The following RSPH10B2 variants were observed in gnomAD, a reference collection of about 807,000 sequenced individuals.
RSPH10B2 encodes radial spoke head 10 homolog B2 (Chlamydomonas).
In RSPH10B2, 9 loss-of-function variants were observed where a neutral mutation model predicts 49.0. The observed-to-expected ratio is 0.18, with a 90% CI of 0.11 to 0.32. RSPH10B2 has a LOEUF of 0.32. Among genes scored for constraint, RSPH10B2 ranks in the 10% least tolerant of loss-of-function variants. The pLI is 1.00. For missense variants in RSPH10B2, 95 were observed against 589.9 expected (o/e 0.16, Z 8.69); for synonymous variants, 35 against 210.2 (o/e 0.17, Z 7.21).
intron 11 of RSPH10B2, among the ~76,000 whole-genome samples, chr7:6,780,270 G>A (rs1439441798): frequency 8.2e-6 from 1 of 122,580 alleles, no homozygotes; most frequent in Non-Finnish European, 1.7e-5. Context: ...ATATCTCTCG[G>A]GGTTTCTAAT....
chr7:6,784,608 C>G (rs1216680898), intron 13 of RSPH10B2, among the ~76,000 whole-genome samples: 2 of 104,518 alleles, frequency 1.9e-5, no homozygotes, highest in African/African-American at 8.5e-5. Flanking sequence ...CTCTGTCACC[C>G]AGGCTGGAGT....
rs549782599 is a variant in RSPH10B2 at position 6,797,852 on chromosome 7, CA to C, written c.2433-498del. Among the ~76,000 whole-genome samples the C allele has an allele frequency of 3.6e-3, 263 of 73,406 alleles. 6 individuals carry two copies. Among genetic ancestry groups the C allele is most frequent in the Middle Eastern group, 6.6e-3 (1 of 152 alleles). 48.2% of individuals were successfully genotyped at this position (73,406 alleles called of 152,430 possible). A position where few individuals can be genotyped will look rare whatever the true frequency, so the allele number is the denominator to read the frequency against. The stretch of plus-strand genomic sequence containing the variant: ...TGGGCAACACAGTAAGACCCTATCT[CA>C]AAAAAAAAAAAATACACACACACAC... On this transcript the variant is annotated intron_variant, in intron 18 of 18. Coordinates refer to ENST00000297186, the Ensembl canonical transcript of RSPH10B2.
At chr7:6,783,273 G>A (rs1421788191) in intron 13 of RSPH10B2, among the ~76,000 whole-genome samples, 2 of 115,166 alleles carry the variant, frequency 1.7e-5, no homozygotes, top group African/African-American at 3.8e-5. Flanking sequence ...CTCGTGATCC[G>A]CCCGTGTCGG....
chr7:6,758,551 A>G lies in RSPH10B2; in HGVS notation c.255-533A>G, dbSNP rs558821817. Among the ~76,000 whole-genome samples, 12 of 128,044 alleles carry G rather than the reference A, an allele frequency of 9.4e-5. No individual in the cohort carries two copies. In the South Asian group the frequency reaches 3.4e-3, roughly 37 times the overall value. 84.0% of individuals were successfully genotyped at this position (128,044 alleles called of 152,430 possible). ...ATAGTGTTGTACGACCGTCTATTAAATAGTAACTCCTGGCCAGATGCGGTG... is the reference window on the plus strand; with the variant it reads ...ATAGTGTTGTACGACCGTCTATTAAGTAGTAACTCCTGGCCAGATGCGGTG... On this transcript the variant is annotated intron_variant, in intron 1 of 18. Coordinates refer to ENST00000297186, the Ensembl canonical transcript of RSPH10B2.
Position 6,781,310 on chromosome 7 carries a change from C to T in RSPH10B2, c.1610-18C>T, listed in dbSNP as rs747429740. On this transcript the variant is annotated intron_variant, in intron 12 of 18. Coordinates refer to ENST00000297186, the Ensembl canonical transcript of RSPH10B2. ...AAAACATAAATCTGTAATCATTTTT[C>T]GAACGTTGTATTTTTAGGCAATTTA... The T allele has an allele frequency of 1.3e-5, 17 of 1,281,410 alleles. 4 individuals carry two copies. The highest frequency in any genetic ancestry group is 2.0e-5 in the South Asian group (1 of 50,886). 79.4% of individuals were successfully genotyped at this position (1,281,410 alleles called of 1,614,324 possible). A position where few individuals can be genotyped will look rare whatever the true frequency, so the allele number is the denominator to read the frequency against.
chr7:6,797,573 C>T (rs1466261855), intron 18 of RSPH10B2, among the ~76,000 whole-genome samples: 1 of 152,262 alleles, frequency 6.6e-6, no homozygotes, highest in African/African-American at 2.4e-5. Context: ...ATAAAGTCCC[C>T]AAATGGGCTG....
rs1198504893 is a variant in RSPH10B2, at chr7:6,793,402, T to C, written c.2233+1405T>C. 2.6e-5 allele frequency among the ~76,000 whole-genome samples: 3 copies of C among 116,088 alleles called. 1 individual carries two copies. The highest frequency in any genetic ancestry group is 1.0e-4 in the African/African-American group (3 of 29,060). 76.2% of individuals were successfully genotyped at this position (116,088 alleles called of 152,430 possible). ...CTATGGCCGGCCACCCACTCAATGG[T>C]GGACTTTTAAAGGCTCCGTCCCGGG... On this transcript the variant is annotated intron_variant, in intron 17 of 18. Coordinates refer to ENST00000297186, the Ensembl canonical transcript of RSPH10B2.
chr7:6,791,023 C>T (rs1782294628), intron 16 of RSPH10B2, among the ~76,000 whole-genome samples: 1 of 126,474 alleles, frequency 7.9e-6, no homozygotes, highest in African/African-American at 3.1e-5. Flanking sequence ...GAGACAGAGT[C>T]TCGCTCTGTC....
intron 13 of RSPH10B2, among the ~76,000 whole-genome samples, 165 bp from the exon 16 acceptor site, chr7:6,785,784 C>A (rs1020755460): frequency 6.6e-6 from 1 of 151,504 alleles, no homozygotes; most frequent in Non-Finnish European, 1.5e-5. Context: ...GAGATTGCGC[C>A]ACTGCCTAGC....
In RSPH10B2 at chr7:6,781,393, AT is replaced by A. The variant is rs1781929377; in HGVS notation, c.1678del (p.Tyr560IlefsTer17). Reference sequence around the variant, plus strand: ...GAGTTACATGAATAAGTGCTGGGAGATTTATCTCGCTTACTGCAGACCCAGT... The same window carrying A: ...GAGTTACATGAATAAGTGCTGGGAGATTATCTCGCTTACTGCAGACCCAGT... On this transcript the variant is annotated frameshift_variant, in exon 13 of 19. Coordinates refer to ENST00000297186, the Ensembl canonical transcript of RSPH10B2. LOFTEE classifies it high-confidence loss of function. 1 of 1,295,730 alleles carries A rather than the reference AT, an allele frequency of 7.7e-7. No individual in the cohort carries two copies. Among genetic ancestry groups the A allele is most frequent in the Non-Finnish European group, 1.0e-6 (1 of 984,232 alleles). 80.3% of individuals were successfully genotyped at this position (1,295,730 alleles called of 1,614,324 possible).
chr7:6,784,559 A>G lies in RSPH10B2; in HGVS notation c.1759-1390A>G, dbSNP rs866369151. The stretch of plus-strand genomic sequence containing the variant: ...GAACATTTGAGTACAGTAAGTCCTC[A>G]CTTAACATTATTATTATTATTATTT... On this transcript the variant is annotated intron_variant, in intron 13 of 18. Coordinates refer to ENST00000297186, the Ensembl canonical transcript of RSPH10B2. Among the ~76,000 whole-genome samples, 98 of 49,720 alleles carry G rather than the reference A, an allele frequency of 2.0e-3. 3 individuals carry two copies. The highest frequency in any genetic ancestry group is 0.011 in the African/African-American group (94 of 8,864). 32.6% of individuals were successfully genotyped at this position (49,720 alleles called of 152,430 possible). A position where few individuals can be genotyped will look rare whatever the true frequency, so the allele number is the denominator to read the frequency against.
chr7:6,764,739 T>C (rs1781402720), intron 4 of RSPH10B2, among the ~76,000 whole-genome samples: 1 of 149,664 alleles, frequency 6.7e-6, no homozygotes, highest in Non-Finnish European at 1.5e-5. Context: ...TGTGTGTGTG[T>C]TTTACAGCAG....
At chr7:6,769,436 A>T (rs1781557733) in intron 7 of RSPH10B2, among the ~76,000 whole-genome samples, 1 of 49,238 alleles carries the variant, frequency 2.0e-5, no homozygotes, top group East Asian at 3.1e-4. Flanking sequence ...CTGAGTGCAC[A>T]GTCCAGTGGC....
intron 1 of RSPH10B2, among the ~76,000 whole-genome samples, chr7:6,758,868 CA>C (rs1442890080): frequency 2.9e-5 from 4 of 136,402 alleles, no homozygotes; most frequent in Non-Finnish European, 1.6e-5. Flanking sequence ...CCCCAAAAAA[CA>C]AACAAAAAAA....
chr7:6,778,054 G>GA (rs1781816758), intron 10 of RSPH10B2, among the ~76,000 whole-genome samples: 1 of 148,344 alleles, frequency 6.7e-6, no homozygotes. Flanking sequence ...TGCTTTACTG[G>GA]AACACAGACA....
chr7:6,758,324 T>G (rs1437125402), intron 1 of RSPH10B2, among the ~76,000 whole-genome samples: 6 of 147,872 alleles, frequency 4.1e-5, no homozygotes, highest in Admixed American at 3.4e-4. Flanking sequence ...TATTTTAGAT[T>G]TAGAGGGTTA....
At chr7:6,756,188 T>A (rs1438488636), upstream of RSPH10B2, among the ~76,000 whole-genome samples, 8 of 142,622 alleles carry the variant, frequency 5.6e-5, no homozygotes, top group South Asian at 2.3e-4. Context: ...GAGAATGGCA[T>A]GAACCCGGGA....
At chr7:6,777,080 A>C (rs1474242793) in intron 10 of RSPH10B2, among the ~76,000 whole-genome samples, 3 of 42,324 alleles carry the variant, frequency 7.1e-5, no homozygotes, top group Admixed American at 3.2e-4. Flanking sequence ...TTTGAGACAG[A>C]GTTTCACTCT....
At chr7:6,784,943 C>A (rs1782087371) in intron 13 of RSPH10B2, among the ~76,000 whole-genome samples, 1 of 83,464 alleles carries the variant, frequency 1.2e-5, no homozygotes, top group Non-Finnish European at 2.2e-5. Flanking sequence ...AACTCTTCTT[C>A]ATGTCAATTA....
Sources: gnomAD v4.1 joint callset for allele counts (sites outside exome capture counted in the v4.1 genomes callset) on GRCh38, gnomAD v4.1.1 for gene constraint, MANE v1.5 for transcripts, NCBI Gene and HGNC (gene_info 2026-07-23, HGNC 2026-07-21) for gene names.